The following AK5 variants were observed in gnomAD, a reference collection of about 807,000 sequenced individuals.
The protein encoded by AK5 is adenylate kinase isoenzyme 5.
In AK5, 27 loss-of-function variants were observed where a neutral mutation model predicts 69.5. The observed-to-expected ratio is 0.39, with a 90% CI of 0.29 to 0.54. The LOEUF (loss-of-function observed/expected upper bound fraction) is 0.54, where lower values mean the gene tolerates loss of function less well. AK5 is among the 20% of genes least tolerant of loss of function. The pLI, the probability that AK5 is intolerant of heterozygous loss-of-function variation, is 0.71. For missense variants in AK5, 531 were observed against 700.4 expected (o/e 0.76, Z 2.73); for synonymous variants, 260 against 244.4 (o/e 1.06, Z -0.60).
chr1:77,360,595 G>A (rs1439717702), intron 6 of AK5, among the ~76,000 whole-genome samples: 1 of 152,198 alleles, frequency 6.6e-6, no homozygotes, highest in Non-Finnish European at 1.5e-5. Flanking sequence ...GCAGTTAGAA[G>A]GGGAAAGGAG....
chr1:77,540,469 C>G (rs1659206699), intron 13 of AK5: 1 of 152,248 alleles, frequency 6.6e-6, no homozygotes. Context: ...GAAACTTGCT[C>G]AACACAGCCG....
At chr1:77,558,219 C>CAAG (rs948656330) in intron 13 of AK5, among the ~76,000 whole-genome samples, 12 of 152,100 alleles carry the variant, frequency 7.9e-5, no homozygotes, top group African/African-American at 2.7e-4. Context: ...GGGTAAACAC[C>CAAG]AAGAAGTGCA....
intron 8 of AK5, among the ~76,000 whole-genome samples, chr1:77,438,940 T>A (rs72681655): frequency 0.11 from 16,562 of 152,028 alleles, 1,016 homozygotes; most frequent in South Asian, 0.17. Context: ...AGATCCCAAA[T>A]AATGTCCAAA....
chr1:77,391,445 A>ATG (rs1160587432), intron 6 of AK5, among the ~76,000 whole-genome samples: 7 of 134,560 alleles, frequency 5.2e-5, no homozygotes, highest in East Asian at 2.1e-4. Context: ...ATATACATAT[A>ATG]TGTGTGTGTA....
At chr1:77,316,598 T>G (rs1194313209) in intron 5 of AK5, among the ~76,000 whole-genome samples, 1 of 152,200 alleles carries the variant, frequency 6.6e-6, no homozygotes, top group Non-Finnish European at 1.5e-5. Flanking sequence ...GAGACAAATT[T>G]GATTTCCTCC....
At chr1:77,456,148 C>G (rs555082236) in intron 8 of AK5, among the ~76,000 whole-genome samples, 1 of 152,154 alleles carries the variant, frequency 6.6e-6, no homozygotes, top group Non-Finnish European at 1.5e-5. Context: ...ACAGTGGAAG[C>G]CCCTAAAACA....
chr1:77,352,096 A>AT (rs1272941062), intron 6 of AK5, among the ~76,000 whole-genome samples: 1 of 151,832 alleles, frequency 6.6e-6, no homozygotes, highest in Non-Finnish European at 1.5e-5. Flanking sequence ...TGCCCGGCTA[A>AT]TTTTTGTATT....
rs535538671 is a variant in AK5, at chr1:77,551,412, C to G, written c.1621-7190C>G. Among the ~76,000 whole-genome samples the G allele has an allele frequency of 3.0e-3, 458 of 152,238 alleles. 6 individuals carry two copies. Among genetic ancestry groups the G allele is most frequent in the Non-Finnish European group, 1.2e-3 (83 of 68,026 alleles). Reference sequence around the variant, plus strand: ...TTATCATTTGATTTTGTCTTTAAACCTACCCATATCTTTGGGCTCCACAGG... The same window carrying G: ...TTATCATTTGATTTTGTCTTTAAACGTACCCATATCTTTGGGCTCCACAGG... On this transcript the variant is annotated intron_variant, in intron 13 of 13. Coordinates refer to ENST00000354567, the MANE Select transcript of AK5 (RefSeq NM_174858.3).
At chr1:77,402,361 T>C (rs1337598973) in intron 6 of AK5, among the ~76,000 whole-genome samples, 1 of 152,058 alleles carries the variant, frequency 6.6e-6, no homozygotes. Flanking sequence ...TTGTTACATA[T>C]GTATACATGT....
chr1:77,460,045 A>T (rs950888707), intron 8 of AK5, among the ~76,000 whole-genome samples: 8 of 152,236 alleles, frequency 5.3e-5, no homozygotes, highest in Non-Finnish European at 1.0e-4. Context: ...CTCAAAGTAC[A>T]TCTGGTATCT....
At position 77,425,054 on chromosome 1, in the gene AK5, T is replaced by A. The variant is rs139990845; in HGVS notation, c.1059+7339T>A. On this transcript the variant is annotated intron_variant, in intron 8 of 13. Transcript: ENST00000354567. ...TGCCTTACCTGTAGTAGAGCGAAGA[T>A]CAAAATCATTTTTACTTTCTTTTCA... is the stretch of plus-strand genomic sequence containing the variant. Among the ~76,000 whole-genome samples the A allele has an allele frequency of 1.8e-3, 275 of 152,278 alleles. 2 individuals are homozygous for A. Among genetic ancestry groups the A allele is most frequent in the African/African-American group, 6.2e-3 (257 of 41,566 alleles).
At chr1:77,303,513 C>T (rs1456621984) in intron 5 of AK5, among the ~76,000 whole-genome samples, 1 of 152,132 alleles carries the variant, frequency 6.6e-6, no homozygotes, top group East Asian at 1.9e-4. Context: ...TAACTTCTAG[C>T]TAATAGAAGA....
intron 6 of AK5, among the ~76,000 whole-genome samples, chr1:77,357,814 A>G (rs1051495249): frequency 6.6e-6 from 1 of 152,184 alleles, no homozygotes; most frequent in African/African-American, 2.4e-5. Flanking sequence ...GTTGCACGCC[A>G]TGTTATTTTC....
At chr1:77,522,021 T>C in intron 12 of AK5, 78 bp downstream of exon 12, 2 of 1,134,426 alleles carry the variant, frequency 1.8e-6, no homozygotes, top group East Asian at 2.5e-5. Context: ...TCAAAGTCTA[T>C]TTCTTTCCCA....
chr1:77,419,726 A>G (rs894783582), intron 8 of AK5, among the ~76,000 whole-genome samples: 1 of 152,232 alleles, frequency 6.6e-6, no homozygotes, highest in African/African-American at 2.4e-5. Flanking sequence ...TTGGTTCAAC[A>G]TATTCTAAAA....
At chr1:77,544,345 G>A (rs1363353524) in intron 13 of AK5, among the ~76,000 whole-genome samples, 2 of 152,052 alleles carry the variant, frequency 1.3e-5, no homozygotes, top group African/African-American at 2.4e-5. Context: ...TGCTACATTT[G>A]TAAAATATTT....
chr1:77,490,858 C>T (rs188205597), intron 10 of AK5, among the ~76,000 whole-genome samples: 3 of 151,340 alleles, frequency 2.0e-5, no homozygotes, highest in Non-Finnish European at 4.4e-5. Flanking sequence ...TTCCCTTCTC[C>T]ATTTTTCATT....
intron 10 of AK5, among the ~76,000 whole-genome samples, chr1:77,486,599 G>T (rs1022823683): frequency 6.6e-6 from 1 of 151,860 alleles, no homozygotes; most frequent in Middle Eastern, 3.2e-3. Context: ...TCGGGAGGCT[G>T]AGGCAGGAGA....
chr1:77,462,714 C>A (rs1653916769), intron 8 of AK5, among the ~76,000 whole-genome samples: 1 of 152,034 alleles, frequency 6.6e-6, no homozygotes, highest in African/African-American at 2.4e-5. Context: ...TGGGTATTTT[C>A]TGGGCTTCCT....
Sources: allele counts gnomAD v4.1 joint callset (sites outside exome capture counted in the v4.1 genomes callset), GRCh38; gene constraint gnomAD v4.1.1; transcripts MANE v1.5; gene names NCBI Gene and HGNC (gene_info 2026-07-23, HGNC 2026-07-21).